SEC14L4: variants seen among roughly 807,000 people sequenced by gnomAD.
SEC14L4 encodes SEC14 like lipid binding 4.
A neutral mutation model predicts 55.1 loss-of-function variants in SEC14L4; 42 were observed. The ratio of observed to expected loss-of-function variants is 0.76; its 90% CI spans 0.60 to 0.99. The LOEUF (loss-of-function observed/expected upper bound fraction) is 0.99. Among genes scored for constraint, SEC14L4 ranks in the 50% least tolerant of loss-of-function variants. The pLI, the probability that SEC14L4 is intolerant of heterozygous loss-of-function variation, is 0.00. For synonymous variants in SEC14L4, 206 were observed against 206.8 expected (o/e 1.00, Z 0.03); for missense variants, 445 against 512.1 (o/e 0.87, Z 1.27).
chr22:30,492,215 G>A (rs1935986510), intron 8 of SEC14L4, 60 bp from the exon 9 acceptor site: 2 of 1,562,918 alleles, frequency 1.3e-6, no homozygotes, highest in Admixed American at 1.9e-5. Context: ...GAGGGCAGAG[G>A]GGGCTGAGCT....
rs373104870 is a variant in SEC14L4, at chr22:30,492,467, C to T, written c.664+7G>A. The T allele has an allele frequency of 1.9e-5, 31 of 1,611,852 alleles. No homozygotes were observed. The highest frequency in any genetic ancestry group is 3.3e-5 in the Admixed American group (2 of 59,988). On this transcript the variant is annotated splice_region_variant and intron_variant, in intron 8 of 11. Transcript: ENST00000255858. Reference sequence around the variant, plus strand: ...GATGGACACAACCAGGGGGCCACGTCGCTCACCTCCCAGAATCACAATCTT... The same window carrying T: ...GATGGACACAACCAGGGGGCCACGTTGCTCACCTCCCAGAATCACAATCTT...
chr22:30,499,686 C>T (rs561296040), intron 2 of SEC14L4, among the ~76,000 whole-genome samples: 1 of 151,458 alleles, frequency 6.6e-6, no homozygotes, highest in South Asian at 2.1e-4. Context: ...TTGCAGTGAG[C>T]CAAACTTGTA....
intron 2 of SEC14L4, among the ~76,000 whole-genome samples, chr22:30,503,335 G>T (rs1457551526): frequency 6.6e-6 from 1 of 151,938 alleles, no homozygotes; most frequent in Non-Finnish European, 1.5e-5. Context: ...CGGGATCTCG[G>T]CTTACCGCAA....
chr22:30,503,799 G>A, intron 1 of SEC14L4, 47 bp from the exon 2 acceptor site: 1 of 1,525,720 alleles, frequency 6.6e-7, no homozygotes, highest in Non-Finnish European at 9.1e-7. Context: ...CATGACCTCG[G>A]GGGCCACCAA....
chr22:30,494,085 T>C (rs1261669202), intron 7 of SEC14L4, 65 bp downstream of exon 7: 1 of 1,223,976 alleles, frequency 8.2e-7, no homozygotes, highest in Non-Finnish European at 1.2e-6. Context: ...ACTCCATGGC[T>C]TACCTACTGT....
rs1340117115 is a variant in SEC14L4 at position 30,490,143 on chromosome 22, C to A, written c.1185G>T (p.Gln395His). 6.2e-7 allele frequency: 1 copy of A among 1,614,148 alleles called. No individual in the cohort carries two copies. The highest frequency in any genetic ancestry group is 1.1e-5 in the South Asian group (1 of 91,080). ...GGGAGGGTCTCATCGCCTTGAGACT[C>A]TGCAGCGTCTCCTCAGAGGCCTTGT... ...LPDKASEETL[Q>H]SLKAMRPSPT... is the part of the protein sequence containing the mutation. The change falls in exon 12 of 12, where the codon CAG becomes CAT. Residue 395 changes from glutamine to histidine, a missense_variant. By Grantham distance (24) the Gln-to-His change is conservative (BLOSUM62 0). Transcript: ENST00000255858.
intron 1 of SEC14L4, among the ~76,000 whole-genome samples, chr22:30,505,131 CAA>C (rs528308322): frequency 2.6e-4 from 18 of 69,148 alleles, no homozygotes; most frequent in Admixed American, 3.4e-4. Context: ...GACTCCATCT[CAA>C]AAAAAAAAAA....
rs920413955 is a variant in SEC14L4 at position 30,491,489 on chromosome 22, C to T, written c.1081+84G>A. The stretch of plus-strand genomic sequence containing the variant: ...CCCCTGGAGCTTACAGAGATCCCCC[C>T]ACCCTCCCGAGAGCTGGAAAGAGAG... On this transcript the variant is annotated intron_variant, in intron 11 of 11. Coordinates refer to ENST00000255858, the MANE Select transcript of SEC14L4 (RefSeq NM_174977.4). 1.6e-5 allele frequency: 24 copies of T among 1,535,398 alleles called. No individual in the cohort carries two copies. In the East Asian group the frequency reaches 4.7e-4, roughly 30 times the overall value.
chr22:30,496,316 A>G (rs1936150268), intron 2 of SEC14L4, among the ~76,000 whole-genome samples: 1 of 150,916 alleles, frequency 6.6e-6, no homozygotes, highest in Non-Finnish European at 1.5e-5. Context: ...AGAGATAGGG[A>G]TCTTGCTATG....
Position 30,490,757 on chromosome 22 carries a change from G to A in SEC14L4, c.1082-511C>T, listed in dbSNP as rs578190370. Among the ~76,000 whole-genome samples the A allele has an allele frequency of 2.0e-5, 3 of 152,298 alleles. No individual in the cohort carries two copies. In the South Asian group the frequency reaches 6.2e-4, roughly 32 times the overall value. On this transcript the variant is annotated intron_variant, in intron 11 of 11. Coordinates refer to ENST00000255858, the MANE Select transcript of SEC14L4 (RefSeq NM_174977.4). ...CTCATTTTACAGAGGAGAAAACTGA[G>A]GCTTGGAGAGGTGATATGATCTTTC...
chr22:30,492,341 G>C, intron 8 of SEC14L4, 133 bp downstream of exon 8: 3 of 1,114,236 alleles, frequency 2.7e-6, no homozygotes, highest in East Asian at 5.1e-5. Context: ...CATTGCCCGT[G>C]CGTGTGGAGG....
rs1361851659 is a variant in SEC14L4 at position 30,489,505 on chromosome 22, G to T, written c.*602C>A. ...TCTGCCCAACTCAGCCTCCCAAACT[G>T]CTGGGATTATAGGCGTGAGCCACCA... On this transcript the variant is annotated 3_prime_UTR_variant, in exon 12 of 12. Transcript: ENST00000255858. 1 of 340,284 alleles carries T rather than the reference G, an allele frequency of 2.9e-6. No homozygotes were observed. Among genetic ancestry groups the T allele is most frequent in the African/African-American group, 2.1e-5 (1 of 48,260 alleles). The allele number at this position is 340,284 out of a possible 1,614,324, so 21.1% of individuals were successfully genotyped here.
intron 2 of SEC14L4, among the ~76,000 whole-genome samples, chr22:30,502,440 G>A (rs964326416): frequency 6.6e-6 from 1 of 152,192 alleles, no homozygotes; most frequent in Non-Finnish European, 1.5e-5. Flanking sequence ...ACCCTGCACT[G>A]TATGTATGCT....
rs1935899345 is a variant in SEC14L4 at position 30,490,049 on chromosome 22, G to T, written c.*58C>A. On this transcript the variant is annotated 3_prime_UTR_variant, in exon 12 of 12. Coordinates refer to ENST00000255858, the MANE Select transcript of SEC14L4 (RefSeq NM_174977.4). The stretch of plus-strand genomic sequence containing the variant: ...AGCACCACCCTGCCTGGGAAGGCAG[G>T]GGTCAGAGGGGTGGGTGTGAAGGGG... 6.3e-7 allele frequency: 1 copy of T among 1,599,820 alleles called. No homozygotes were observed. Among genetic ancestry groups the T allele is most frequent in the Non-Finnish European group, 8.5e-7 (1 of 1,172,010 alleles).
chr22:30,504,944 C>T (rs1936444548), intron 1 of SEC14L4, among the ~76,000 whole-genome samples: 1 of 151,976 alleles, frequency 6.6e-6, no homozygotes, highest in Admixed American at 6.6e-5. Context: ...CCTGCCTGGC[C>T]AATATGGTGA....
In SEC14L4 at chr22:30,491,601, C is replaced by T. The variant is rs201094843; in HGVS notation, c.1053G>A (p.Gly351=). ...RYNAHMVPED[G]SLTCLQAGVY... The stretch of plus-strand genomic sequence containing the variant: ...CGCCAGCCTGGAGGCAGGTGAGGCT[C>T]CCATCCTCAGGCACCATGTGGGCAT... Residue 351 remains glycine (G), a synonymous_variant, in exon 11 of 12, where the codon GGG becomes GGA. Transcript: ENST00000255858. 5.8e-5 allele frequency: 94 copies of T among 1,614,174 alleles called. No homozygotes were observed. The East Asian group carries it at 1.8e-3, about 30-fold the overall frequency.
chr22:30,499,153 C>T (rs1936243322), intron 2 of SEC14L4, among the ~76,000 whole-genome samples: 2 of 151,930 alleles, frequency 1.3e-5, no homozygotes, highest in Non-Finnish European at 2.9e-5. Context: ...CCATGTTAGC[C>T]AGGATGGTCT....
In SEC14L4 at chr22:30,492,526, C is replaced by A; in HGVS notation, c.612G>T (p.Leu204Phe). The part of the protein sequence containing the change: ...APKLFPVAFN[L>F]VKSFMSEETR... ...TCTCCTCACTCATGAACGACTTGAC[C>A]AAGTTGAAGGCCACGGGGAACAGTT... Residue 204 changes from leucine (L) to phenylalanine (F), a missense_variant, in exon 8 of 12, where the codon TTG (leucine) becomes TTT (phenylalanine). Transcript: ENST00000255858. 1 of 1,614,000 alleles carries A rather than the reference C, an allele frequency of 6.2e-7. No homozygotes were observed. The highest frequency in any genetic ancestry group is 8.5e-7 in the Non-Finnish European group (1 of 1,179,900).
chr22:30,503,100 C>T (rs2146204148), intron 2 of SEC14L4, among the ~76,000 whole-genome samples: 1 of 152,308 alleles, frequency 6.6e-6, no homozygotes, highest in Non-Finnish European at 1.5e-5. Context: ...GATGTCCTGG[C>T]TGTTAACTGT....
Sources: gnomAD v4.1 joint callset for allele counts (sites outside exome capture counted in the v4.1 genomes callset) on GRCh38, gnomAD v4.1.1 for gene constraint, MANE v1.5 for transcripts, NCBI Gene and HGNC (gene_info 2026-07-23, HGNC 2026-07-21) for gene names.